The following PLA2G4C variants were observed in gnomAD, a reference collection of about 807,000 sequenced individuals.
PLA2G4C encodes the protein cytosolic phospholipase A2 gamma.
A neutral mutation model predicts 73.8 loss-of-function variants in PLA2G4C; 64 were observed. The observed-to-expected ratio is 0.87, with a 90% CI of 0.71 to 1.07. The LOEUF (loss-of-function observed/expected upper bound fraction) is 1.07, where lower values mean the gene tolerates loss of function less well. PLA2G4C is among the 50% of genes least tolerant of loss of function. PLA2G4C has a pLI of 0.00. For synonymous variants in PLA2G4C, 254 were observed against 252.1 expected (o/e 1.01, Z -0.07); for missense variants, 622 against 665.4 (o/e 0.93, Z 0.72).
At chr19:48,064,231 C>T (rs1968319815) in intron 13 of PLA2G4C, among the ~76,000 whole-genome samples, 1 of 152,114 alleles carries the variant, frequency 6.6e-6, no homozygotes, top group African/African-American at 2.4e-5. Flanking sequence ...GAGTTCAAGA[C>T]CAGCCTGACC....
intron 2 of PLA2G4C, 81 bp downstream of exon 2, chr19:48,106,441 C>A: frequency 1.9e-6 from 2 of 1,067,930 alleles, no homozygotes; most frequent in South Asian, 1.3e-5. Flanking sequence ...CTGTCACAGC[C>A]CTCACCTCTT....
chr19:48,099,518 G>T (rs902585316), intron 5 of PLA2G4C, among the ~76,000 whole-genome samples, 153 bp downstream of exon 5: 2 of 152,136 alleles, frequency 1.3e-5, no homozygotes, highest in African/African-American at 4.8e-5. Flanking sequence ...ATATACTTTA[G>T]TTTTGAGGCA....
At chr19:48,069,497 C>T (rs924552256) in intron 12 of PLA2G4C, among the ~76,000 whole-genome samples, 1 of 152,166 alleles carries the variant, frequency 6.6e-6, no homozygotes, top group Non-Finnish European at 1.5e-5. Context: ...ATCACCAAGA[C>T]CTGCCAATTC....
At position 48,062,018 on chromosome 19, in the gene PLA2G4C, TGAAGTC is replaced by T. The variant is rs774811256; in HGVS notation, c.1231_1236del (p.Asp411_Phe412del). 8.1e-6 allele frequency: 13 copies of T among 1,613,754 alleles called. No homozygotes were observed. Among genetic ancestry groups the T allele is most frequent in the African/African-American group, 1.3e-5 (1 of 74,848 alleles). On this transcript the variant is annotated inframe_deletion, in exon 14 of 17. Transcript: ENST00000599921. ...ATTACCTCGAAAGGATCTCCGGCAC[TGAAGTC>T]GAAGGAGAGGATGAGGTGAACCTCC... is the stretch of plus-strand genomic sequence containing the variant.
rs190011622 is a variant in PLA2G4C, at chr19:48,052,546, T to C, written c.1580+451A>G. Among the ~76,000 whole-genome samples the C allele has an allele frequency of 1.4e-4, 22 of 152,238 alleles. No homozygotes were observed. In the East Asian group the frequency reaches 4.3e-3, roughly 29 times the overall value. On this transcript the variant is annotated intron_variant, in intron 16 of 16. Transcript: ENST00000599921. ...ATGCTTCCTGTTAAGCCTTCGGAAC[T>C]GTGAGTCAATTAAACCTCTTTTCTT... is the stretch of plus-strand genomic sequence containing the variant.
intron 14 of PLA2G4C, among the ~76,000 whole-genome samples, chr19:48,057,812 G>A (rs1379964161): frequency 6.7e-6 from 1 of 149,196 alleles, no homozygotes; most frequent in Admixed American, 6.7e-5. Flanking sequence ...ATATTGAGTT[G>A]AATATTTGAG....
At chr19:48,063,673 C>T (rs1376391751) in intron 13 of PLA2G4C, among the ~76,000 whole-genome samples, 4 of 149,058 alleles carry the variant, frequency 2.7e-5, no homozygotes, top group Non-Finnish European at 5.9e-5. Context: ...CCAGAGTTAA[C>T]CTGAAAACCT....
At position 48,075,271 on chromosome 19, in the gene PLA2G4C, C is replaced by T. The variant is rs567432541; in HGVS notation, c.899-397G>A. 7.9e-5 allele frequency among the ~76,000 whole-genome samples: 12 copies of T among 151,332 alleles called. No homozygotes were observed. In the East Asian group the frequency reaches 1.2e-3, roughly 15 times the overall value. ...CAATCTCAGCTCACTGCAACCTCTG[C>T]CTCCCAGTTTCAAGAAATTCCCCTG... On this transcript the variant is annotated intron_variant, in intron 11 of 16. Coordinates refer to ENST00000599921, the MANE Select transcript of PLA2G4C (RefSeq NM_003706.3).
chr19:48,060,624 C>A (rs1432867240), intron 14 of PLA2G4C, among the ~76,000 whole-genome samples: 2 of 152,136 alleles, frequency 1.3e-5, no homozygotes, highest in African/African-American at 4.8e-5. Context: ...TTAAGCCTAT[C>A]GCTCGGGGTC....
intron 10 of PLA2G4C, among the ~76,000 whole-genome samples, chr19:48,082,404 G>A (rs2030636795): frequency 6.6e-6 from 1 of 151,606 alleles, no homozygotes; most frequent in South Asian, 2.1e-4. Flanking sequence ...ATACACGTCG[G>A]TTAGGTCAAG....
At chr19:48,075,058 T>C (rs1229317444) in intron 11 of PLA2G4C, among the ~76,000 whole-genome samples, 184 bp from the exon 12 acceptor site, 1 of 152,078 alleles carries the variant, frequency 6.6e-6, no homozygotes, top group Non-Finnish European at 1.5e-5. Flanking sequence ...TCTCTCTGAC[T>C]TTCTGGCCTC....
At chr19:48,105,933 CCCTCCCTCCCTCCCTTCTTTCTTT>C (rs2032196581) in intron 2 of PLA2G4C, among the ~76,000 whole-genome samples, 1 of 12,878 alleles carries the variant, frequency 7.8e-5, no homozygotes, top group Non-Finnish European at 1.2e-4. Flanking sequence ...CTCCCTCCCT[CCCTCCCTCCCTCCCTTCTTTCTTT>C]CTTTCTTTCT....
At chr19:48,062,793 A>C (rs1048084740) in intron 13 of PLA2G4C, among the ~76,000 whole-genome samples, 16 of 152,114 alleles carry the variant, frequency 1.1e-4, no homozygotes, top group African/African-American at 3.4e-4. Flanking sequence ...TGTTAACCCA[A>C]TGTTTCTGAG....
chr19:48,088,571 T>C lies in PLA2G4C; in HGVS notation c.790+115A>G, dbSNP rs774989622. 71 of 757,788 alleles carry C rather than the reference T, an allele frequency of 9.4e-5. 4 individuals carry two copies. In the Middle Eastern group the frequency reaches 0.011, roughly 117 times the overall value. 46.9% of individuals were successfully genotyped at this position (757,788 alleles called of 1,614,324 possible). A position where few individuals can be genotyped will look rare whatever the true frequency, so the allele number is the denominator to read the frequency against. On this transcript the variant is annotated intron_variant, in intron 9 of 16. Transcript: ENST00000599921. ...AATCTTTGAAATACCAGATAAAGAA[T>C]TCAAATGGGCACCAAATGAATCATA... is the stretch of plus-strand genomic sequence containing the variant.
intron 4 of PLA2G4C, among the ~76,000 whole-genome samples, chr19:48,101,151 G>A (rs1173008586): frequency 2.4e-5 from 3 of 124,174 alleles, no homozygotes; most frequent in African/African-American, 1.1e-4. Context: ...TTTGAGACAG[G>A]TCTTGCTCTG....
chr19:48,067,931 A>T (rs1568430216), intron 12 of PLA2G4C, 45 bp from the exon 13 acceptor site: 9 of 1,351,630 alleles, frequency 6.7e-6, no homozygotes, highest in Non-Finnish European at 9.6e-6. Context: ...CAGGAGACTG[A>T]GTGGTTTCTG....
At chr19:48,109,602 T>C (rs2032386702) in intron 1 of PLA2G4C, among the ~76,000 whole-genome samples, 1 of 152,090 alleles carries the variant, frequency 6.6e-6, no homozygotes, top group Admixed American at 6.6e-5. Flanking sequence ...GTGACTAAGT[T>C]AAAGTGGGGT....
chr19:48,105,101 A>AAAAG (rs1568456263), intron 3 of PLA2G4C, among the ~76,000 whole-genome samples: 47 of 144,132 alleles, frequency 3.3e-4, no homozygotes, highest in African/African-American at 8.4e-4. Context: ...AAAAAAAAAA[A>AAAAG]AAAGAAAGAA....
In PLA2G4C at chr19:48,048,129, T is replaced by C. The variant is rs532026006; in HGVS notation, c.*214A>G. ...TCCCGAGGGACCTGCAGGACAAATT[T>C]CACCACCTTCAGCTCCTTGGACGCC... On this transcript the variant is annotated 3_prime_UTR_variant, in exon 17 of 17. Transcript: ENST00000599921. 70 of 532,082 alleles carry C rather than the reference T, an allele frequency of 1.3e-4. No homozygotes were observed. The African/African-American group carries it at 1.3e-3, about 10-fold the overall frequency. The allele number at this position is 532,082 out of a possible 1,614,324, so 33.0% of individuals were successfully genotyped here.
Sources: allele counts gnomAD v4.1 joint callset (sites outside exome capture counted in the v4.1 genomes callset), GRCh38; gene constraint gnomAD v4.1.1; transcripts MANE v1.5; gene names NCBI Gene and HGNC (gene_info 2026-07-23, HGNC 2026-07-21).